PRELID3A: variants seen among roughly 807,000 people sequenced by gnomAD.
PRELID3A encodes PRELI domain containing 3A, also known as PRELI domain containing protein 3A.
A neutral mutation model predicts 23.0 loss-of-function variants in PRELID3A; 27 were observed. The ratio of observed to expected loss-of-function variants is 1.17; its 90% CI spans 0.87 to 1.62. PRELID3A has a LOEUF of 1.62. Among genes scored for constraint, PRELID3A ranks in the 40% most tolerant of loss-of-function variants. The pLI is 0.00. For synonymous variants in PRELID3A, 87 were observed against 86.4 expected (o/e 1.01, Z -0.04); for missense variants, 231 against 231.4 (o/e 1.00, Z 0.01).
At chr18:12,410,461 G>A (rs974584318) in intron 1 of PRELID3A, among the ~76,000 whole-genome samples, 1 of 152,204 alleles carries the variant, frequency 6.6e-6, no homozygotes, top group African/African-American at 2.4e-5. Flanking sequence ...GACGGGTTAT[G>A]AATGATGTGG....
chr18:12,430,089 C>A (rs1412846632), intron 6 of PRELID3A, among the ~76,000 whole-genome samples: 1 of 152,230 alleles, frequency 6.6e-6, no homozygotes, highest in African/African-American at 2.4e-5. Flanking sequence ...CATCTGTCCC[C>A]CGTGTGTGTG....
intron 1 of PRELID3A, among the ~76,000 whole-genome samples, chr18:12,416,361 G>A (rs1440206181): frequency 6.6e-6 from 1 of 152,174 alleles, no homozygotes; most frequent in African/African-American, 2.4e-5. Context: ...CCAGGCTGGA[G>A]TGCAGTGGTA....
chr18:12,427,170 C>T (rs1041400939), intron 4 of PRELID3A, 51 bp from the exon 5 acceptor site: 6 of 1,599,992 alleles, frequency 3.8e-6, no homozygotes, highest in Non-Finnish European at 5.1e-6. Flanking sequence ...CAGGGCAGAC[C>T]CTCCTCTCTC....
chr18:12,415,600 C>T (rs1284537876), intron 1 of PRELID3A, among the ~76,000 whole-genome samples: 1 of 152,168 alleles, frequency 6.6e-6, no homozygotes, highest in Non-Finnish European at 1.5e-5. Context: ...AATTTCACAA[C>T]TATGCAAACA....
At chr18:12,408,051 G>T (rs1470453877) in intron 1 of PRELID3A, 44 bp downstream of exon 1, 1 of 1,241,612 alleles carries the variant, frequency 8.1e-7, no homozygotes, top group Non-Finnish European at 1.0e-6. Context: ...CCAGACGCCG[G>T]CTCCTGCTCC....
intron 2 of PRELID3A, 100 bp downstream of exon 2, chr18:12,420,593 G>A (rs1020045233): frequency 1.6e-6 from 2 of 1,264,496 alleles, no homozygotes; most frequent in African/African-American, 1.6e-5. Context: ...TGCCTCTGCT[G>A]CTTTGGCTGC....
chr18:12,417,022 G>A (rs2029982507), intron 1 of PRELID3A, among the ~76,000 whole-genome samples: 2 of 152,070 alleles, frequency 1.3e-5, no homozygotes, highest in African/African-American at 4.8e-5. Context: ...GAGATGTTGA[G>A]ATATTTTTAT....
chr18:12,428,371 C>T (rs530867558), intron 5 of PRELID3A, among the ~76,000 whole-genome samples: 71 of 152,290 alleles, frequency 4.7e-4, no homozygotes, highest in Admixed American at 6.5e-4. Flanking sequence ...CACCTGGGCC[C>T]GCCTCACAGG....
Position 12,425,906 on chromosome 18 carries a change from C to T in PRELID3A, c.292-1135C>T, listed in dbSNP as rs2030344364. ...AGTGAGCCTTGATCACACCACTGCACTCCAGCCTGGGCAACAGAACAAGAC... is the reference window on the plus strand; with the variant it reads ...AGTGAGCCTTGATCACACCACTGCATTCCAGCCTGGGCAACAGAACAAGAC... On this transcript the variant is annotated intron_variant, in intron 3 of 6. Transcript: ENST00000440960. Among the ~76,000 whole-genome samples, 3 of 151,980 alleles carry T rather than the reference C, an allele frequency of 2.0e-5. No individual in the cohort carries two copies. The South Asian group carries it at 6.2e-4, about 32-fold the overall frequency.
chr18:12,427,190 G>A (rs1568166176), intron 4 of PRELID3A, 31 bp from the exon 5 acceptor site: 1 of 1,606,084 alleles, frequency 6.2e-7, no homozygotes, highest in Non-Finnish European at 8.5e-7. Context: ...CTCAGGGCTG[G>A]TCAGCCCCTT....
intron 1 of PRELID3A, among the ~76,000 whole-genome samples, chr18:12,409,739 A>C (rs1024988884): frequency 6.6e-6 from 1 of 152,144 alleles, no homozygotes; most frequent in African/African-American, 2.4e-5. Flanking sequence ...GAGGTTTGTG[A>C]AATGTCTGTG....
At chr18:12,428,399 T>C (rs2030446347) in intron 5 of PRELID3A, among the ~76,000 whole-genome samples, 1 of 152,218 alleles carries the variant, frequency 6.6e-6, no homozygotes, top group Non-Finnish European at 1.5e-5. Flanking sequence ...CTTCTCTTTG[T>C]CTGTCCCTCC....
chr18:12,423,736 C>A (rs546595085), intron 3 of PRELID3A, among the ~76,000 whole-genome samples: 12 of 152,272 alleles, frequency 7.9e-5, no homozygotes, highest in Admixed American at 7.8e-4. Flanking sequence ...AGGAGCAGGT[C>A]ATCCAGGCGG....
chr18:12,424,621 G>A (rs956025548), intron 3 of PRELID3A, among the ~76,000 whole-genome samples: 1 of 152,222 alleles, frequency 6.6e-6, no homozygotes, highest in African/African-American at 2.4e-5. Context: ...CATTGGGACA[G>A]TGAGGCTGGG....
chr18:12,417,110 T>C (rs2029985409), intron 1 of PRELID3A, among the ~76,000 whole-genome samples: 1 of 152,238 alleles, frequency 6.6e-6, no homozygotes. Context: ...TTATTTATTA[T>C]GTGCATATTT....
intron 1 of PRELID3A, 128 bp downstream of exon 1, chr18:12,408,135 G>A: frequency 1.1e-6 from 1 of 878,286 alleles, no homozygotes; most frequent in Non-Finnish European, 1.5e-6. Context: ...CCCCGCGCCG[G>A]CCGTTCCCAG....
chr18:12,417,804 C>T (rs1208949297), intron 1 of PRELID3A, among the ~76,000 whole-genome samples: 1 of 152,184 alleles, frequency 6.6e-6, no homozygotes, highest in Non-Finnish European at 1.5e-5. Context: ...TGACTGAATT[C>T]CTAGAGTGAT....
chr18:12,409,085 A>G (rs1458410187), intron 1 of PRELID3A, among the ~76,000 whole-genome samples: 2 of 151,548 alleles, frequency 1.3e-5, no homozygotes, highest in Non-Finnish European at 2.9e-5. Flanking sequence ...TACTGCGTGG[A>G]AGGAAATTGT....
Position 12,431,766 on chromosome 18 carries a change from G to A in PRELID3A, c.*650G>A, listed in dbSNP as rs1234507702. 6.6e-6 allele frequency: 1 copy of A among 152,250 alleles called. No homozygotes were observed. The highest frequency in any genetic ancestry group is 1.5e-5 in the Non-Finnish European group (1 of 68,120). 9.4% of individuals were successfully genotyped at this position (152,250 alleles called of 1,614,324 possible). ...TGCGGGGAGAGGGCTGGGGTCCAGG[G>A]GTTTCCCGGCCCTTTCTGCAGGCTG... is the stretch of plus-strand genomic sequence containing the variant. On this transcript the variant is annotated 3_prime_UTR_variant, in exon 7 of 7. Coordinates refer to ENST00000440960, the MANE Select transcript of PRELID3A (RefSeq NM_001142405.2).
Sources: allele counts gnomAD v4.1 joint callset (sites outside exome capture counted in the v4.1 genomes callset), GRCh38; gene constraint gnomAD v4.1.1; transcripts MANE v1.5; gene names NCBI Gene and HGNC (gene_info 2026-07-23, HGNC 2026-07-21).